Variants in RAB2A observed in about 807,000 individuals in gnomAD.
RAB2A encodes ras-related protein Rab-2A.
In RAB2A, 7 loss-of-function variants were observed where a neutral mutation model predicts 32.5. The ratio of observed to expected loss-of-function variants is 0.22; its 90% confidence interval spans 0.12 to 0.40. The LOEUF is 0.40. Ranked by LOEUF, RAB2A falls within the 10% of genes least tolerant of loss-of-function variation. RAB2A has a pLI of 1.00. For missense variants in RAB2A, 108 were observed against 260.7 expected (o/e 0.41, Z 4.03); for synonymous variants, 79 against 85.2 (o/e 0.93, Z 0.40).
intron 5 of RAB2A, 22 bp downstream of exon 5, chr8:60,584,837 T>C: frequency 6.6e-7 from 1 of 1,521,042 alleles, no homozygotes; most frequent in African/African-American, 1.4e-5. Context: ...AATTTAGAGC[T>C]TACATTGCAT....
intron 1 of RAB2A, among the ~76,000 whole-genome samples, chr8:60,556,609 G>C (rs1392217900): frequency 2.0e-5 from 3 of 147,152 alleles, no homozygotes; most frequent in Non-Finnish European, 4.4e-5. Flanking sequence ...TGGCCAGCCT[G>C]GGCAACATAG....
At chr8:60,534,307 T>C (rs1249187153) in intron 1 of RAB2A, among the ~76,000 whole-genome samples, 1 of 151,976 alleles carries the variant, frequency 6.6e-6, no homozygotes, top group Non-Finnish European at 1.5e-5. Context: ...AAATGAAAAA[T>C]CAGTAACCAG....
At chr8:60,559,187 GAGAC>G (rs2130830942) in intron 2 of RAB2A, 1 of 344,532 alleles carries the variant, frequency 2.9e-6, no homozygotes, top group Admixed American at 4.6e-5. Context: ...AACAATTTAA[GAGAC>G]AGTATCCAAG....
chr8:60,599,544 A>C (rs114241086), intron 6 of RAB2A, among the ~76,000 whole-genome samples: 3 of 152,234 alleles, frequency 2.0e-5, no homozygotes, highest in Non-Finnish European at 4.4e-5. Flanking sequence ...TTGCTTAGCC[A>C]GTCATCAGGA....
rs569949192 is a variant in RAB2A, at chr8:60,608,817, A to G, written c.475-9763A>G. On this transcript the variant is annotated intron_variant, in intron 6 of 7. Transcript: ENST00000262646. ...CCAGCTGAACTGATAGCCCTTCTCT[A>G]TTCTAGTCTACAGATCCTCTATTCT... 2.0e-5 allele frequency among the ~76,000 whole-genome samples: 3 copies of G among 152,170 alleles called. No homozygotes were observed. In the South Asian group the frequency reaches 6.2e-4, roughly 32 times the overall value.
intron 1 of RAB2A, among the ~76,000 whole-genome samples, chr8:60,519,675 T>G (rs988910415): frequency 6.6e-6 from 1 of 152,236 alleles, no homozygotes; most frequent in Non-Finnish European, 1.5e-5. Context: ...GTACCTATTA[T>G]ATACTTCTTG....
In RAB2A at chr8:60,557,740, T is replaced by C. The variant is rs566500237; in HGVS notation, c.47-1112T>C. The stretch of plus-strand genomic sequence containing the variant: ...ACCACCACACCCATCTTTTTTTTTT[T>C]GTCTTTTTTTGTTTTAAAAGACTGT... On this transcript the variant is annotated intron_variant, in intron 1 of 7. Transcript: ENST00000262646. Among the ~76,000 whole-genome samples, 18 of 151,514 alleles carry C rather than the reference T, an allele frequency of 1.2e-4. No homozygotes were observed. The East Asian group carries it at 3.3e-3, about 28-fold the overall frequency.
intron 3 of RAB2A, among the ~76,000 whole-genome samples, chr8:60,572,674 A>G (rs1808213630): frequency 1.3e-5 from 2 of 152,160 alleles, no homozygotes; most frequent in African/African-American, 4.8e-5. Context: ...AGATGCATAA[A>G]AGTGAAGTTA....
intron 2 of RAB2A, among the ~76,000 whole-genome samples, chr8:60,569,559 G>A (rs1808165145): frequency 6.6e-6 from 1 of 152,126 alleles, no homozygotes; most frequent in African/African-American, 2.4e-5. Flanking sequence ...CACCCAGGCT[G>A]GAAAGCAGTG....
intron 6 of RAB2A, among the ~76,000 whole-genome samples, chr8:60,605,009 C>T (rs1029424204): frequency 2.0e-5 from 3 of 152,214 alleles, no homozygotes; most frequent in African/African-American, 7.2e-5. Context: ...GGAGCCCCTC[C>T]CTCACAGGCT....
intron 3 of RAB2A, chr8:60,576,344 T>A: frequency 2.2e-6 from 1 of 448,394 alleles, no homozygotes; most frequent in Non-Finnish European, 4.5e-6. Context: ...TGCCTTGTTC[T>A]GCTCTTGTTC....
chr8:60,562,988 C>G (rs1347929714), intron 2 of RAB2A, among the ~76,000 whole-genome samples: 1 of 150,378 alleles, frequency 6.6e-6, no homozygotes, highest in Non-Finnish European at 1.5e-5. Flanking sequence ...TTTTGACACC[C>G]ATCACAGCAA....
chr8:60,533,341 A>G (rs1807505933), intron 1 of RAB2A, among the ~76,000 whole-genome samples: 1 of 152,220 alleles, frequency 6.6e-6, no homozygotes, highest in Non-Finnish European at 1.5e-5. Flanking sequence ...TGCTCAGGAG[A>G]CCAGTAATGC....
intron 6 of RAB2A, among the ~76,000 whole-genome samples, chr8:60,615,284 C>T (rs574029012): frequency 1.1e-4 from 16 of 152,064 alleles, no homozygotes; most frequent in Admixed American, 9.2e-4. Context: ...AGGTATTGTG[C>T]TAGAGATTCA....
In RAB2A at chr8:60,621,882, A is replaced by T. The variant is rs1470747387; in HGVS notation, c.*1113A>T. 3 of 152,210 alleles carry T rather than the reference A, an allele frequency of 2.0e-5. No individual in the cohort carries two copies. Among genetic ancestry groups the T allele is most frequent in the Admixed American group, 1.3e-4 (2 of 15,284 alleles). The allele number at this position is 152,210 out of a possible 1,614,324, so 9.4% of individuals were successfully genotyped here. A position where few individuals can be genotyped will look rare whatever the true frequency, so the allele number is the denominator to read the frequency against. ...TCTATCAGATGGAAAATCCTGTTAC[A>T]AAGTAGAAAAGCTTTAGTAATTTAC... On this transcript the variant is annotated 3_prime_UTR_variant, in exon 8 of 8. Coordinates refer to ENST00000262646, the MANE Select transcript of RAB2A (RefSeq NM_002865.3).
chr8:60,540,256 A>G (rs1000358819), intron 1 of RAB2A, among the ~76,000 whole-genome samples: 3 of 151,228 alleles, frequency 2.0e-5, no homozygotes, highest in Admixed American at 6.6e-5. Flanking sequence ...GGGTACGGGT[A>G]TATAGTTAGA....
chr8:60,554,632 T>C (rs766134617), intron 1 of RAB2A, among the ~76,000 whole-genome samples: 4 of 152,162 alleles, frequency 2.6e-5, no homozygotes, highest in Non-Finnish European at 5.9e-5. Flanking sequence ...AATCACTGAC[T>C]AATTTATAGA....
At position 60,517,030 on chromosome 8, in the gene RAB2A, G is replaced by C; in HGVS notation, c.-178G>C. On this transcript the variant is annotated 5_prime_UTR_variant, in exon 1 of 8. Coordinates refer to ENST00000262646, the MANE Select transcript of RAB2A (RefSeq NM_002865.3). ...GTCGGGCGCTGTCTCCCTCGGCTCT[G>C]CGGGTGTCAGTTCGTCCGGCTTCCT... The C allele has an allele frequency of 1.9e-6, 1 of 536,290 alleles. No homozygotes were observed. Among genetic ancestry groups the C allele is most frequent in the Non-Finnish European group, 3.2e-6 (1 of 314,122 alleles). The allele number at this position is 536,290 out of a possible 1,614,324, so 33.2% of individuals were successfully genotyped here. A position where few individuals can be genotyped will look rare whatever the true frequency, so the allele number is the denominator to read the frequency against.
At position 60,621,697 on chromosome 8, in the gene RAB2A, TTC is replaced by T. The variant is rs1432314699; in HGVS notation, c.*930_*931del. On this transcript the variant is annotated 3_prime_UTR_variant, in exon 8 of 8. Transcript: ENST00000262646. ...CTTAAACACAATAATGTTTTCTTTT[TTC>T]TTTTATTCACATGATTTCTAAGTAT... The T allele has an allele frequency of 2.0e-5, 3 of 152,244 alleles. No homozygotes were observed. The highest frequency in any genetic ancestry group is 7.2e-5 in the African/African-American group (3 of 41,478). The allele number at this position is 152,244 out of a possible 1,614,324, so 9.4% of individuals were successfully genotyped here. A position where few individuals can be genotyped will look rare whatever the true frequency, so the allele number is the denominator to read the frequency against.
Sources: allele counts gnomAD v4.1 joint callset (sites outside exome capture counted in the v4.1 genomes callset), GRCh38; gene constraint gnomAD v4.1.1; transcripts MANE v1.5; gene names NCBI Gene and HGNC (gene_info 2026-07-23, HGNC 2026-07-21).